The following WEE1 variants were observed in gnomAD, a reference collection of about 807,000 sequenced individuals.
WEE1 encodes the protein WEE1 G2 checkpoint kinase.
Under a neutral mutation model 68.8 loss-of-function variants are expected in WEE1, and 16 were observed. The ratio of observed to expected loss-of-function variants is 0.23; its 90% confidence interval spans 0.16 to 0.35. WEE1 has a LOEUF of 0.35. Ranked by LOEUF, WEE1 falls within the 10% of genes least tolerant of loss-of-function variation. WEE1 has a pLI of 1.00. For missense variants in WEE1, 651 were observed against 824.1 expected (o/e 0.79, Z 2.57); for synonymous variants, 349 against 318.7 (o/e 1.09, Z -1.01).
Position 9,576,439 on chromosome 11 carries a change from T to C in WEE1, c.847-48T>C. On this transcript the variant is annotated intron_variant, in intron 3 of 10. Coordinates refer to ENST00000450114, the MANE Select transcript of WEE1 (RefSeq NM_003390.4). The surrounding 1 kb of genome is among the most constrained non-coding windows in gnomAD (Gnocchi z 4.3). ...CCCTATCACCATAGCAAGAAATAAC[T>C]GTTTTCGTATATTTGTATTACATAT... 1 of 1,585,976 alleles carries C rather than the reference T, an allele frequency of 6.3e-7. No homozygotes were observed. Among genetic ancestry groups the C allele is most frequent in the Non-Finnish European group, 8.6e-7 (1 of 1,166,202 alleles).
Position 9,588,769 on chromosome 11 carries a change from T to C in WEE1, c.*167T>C, listed in dbSNP as rs996482827. ...GAAAGCTGTATTTTGATGATTGCTA[T>C]GTCAGGCTTTCATCTAATCTTACCA... On this transcript the variant is annotated 3_prime_UTR_variant, in exon 11 of 11. Coordinates refer to ENST00000450114, the MANE Select transcript of WEE1 (RefSeq NM_003390.4). 2 of 1,269,048 alleles carry C rather than the reference T, an allele frequency of 1.6e-6. No homozygotes were observed. Among genetic ancestry groups the C allele is most frequent in the South Asian group, 2.3e-5 (1 of 44,090 alleles). The allele number at this position is 1,269,048 out of a possible 1,614,324, so 78.6% of individuals were successfully genotyped here.
In WEE1 at chr11:9,576,375, A is replaced by T. The variant is rs139236814; in HGVS notation, c.846+82A>T. 1.3e-4 allele frequency: 204 copies of T among 1,544,840 alleles called. No individual in the cohort carries two copies. The African/African-American group carries it at 2.2e-3, about 16-fold the overall frequency. ...TGCTATGAATATGTTAATAAGCATTAACACATAAGGTAGAATGGTTTTTAA... is the reference window on the plus strand; with the variant it reads ...TGCTATGAATATGTTAATAAGCATTTACACATAAGGTAGAATGGTTTTTAA... On this transcript the variant is annotated intron_variant, in intron 3 of 10. Coordinates refer to ENST00000450114, the MANE Select transcript of WEE1 (RefSeq NM_003390.4). The surrounding 1 kb of genome is among the most constrained non-coding windows in gnomAD (Gnocchi z 4.3).
At position 9,574,385 on chromosome 11, in the gene WEE1, C is replaced by G; in HGVS notation, c.452C>G (p.Pro151Arg). 2 of 1,216,708 alleles carry G rather than the reference C, an allele frequency of 1.6e-6. No homozygotes were observed. Among genetic ancestry groups the G allele is most frequent in the Non-Finnish European group, 2.0e-6 (2 of 981,606 alleles). 75.4% of individuals were successfully genotyped at this position (1,216,708 alleles called of 1,614,324 possible). Residue 151 changes from proline to arginine, a missense_variant, in exon 1 of 11, where the codon CCG becomes CGG. Around this residue, in one of 5 missense-constraint regions of WEE1, gnomAD observed 395 missense variants for 378.4 expected, o/e 1.04. Transcript: ENST00000450114. This position sits in a 1 kb window ranked among gnomAD's most constrained non-coding sequence, Gnocchi z 4.9. ...VRCGGPGDAS[P>R]RGCGARRAGE... is the part of the protein sequence containing the mutation. ...TGCGGCGGCCCAGGAGATGCGTCGC[C>G]GCGGGGTTGCGGGGCGCGCCGGGCG...
In WEE1 at chr11:9,586,778, T is replaced by C. The variant is rs2134357810; in HGVS notation, c.1709T>C (p.Leu570Pro). 2.5e-6 allele frequency: 4 copies of C among 1,614,150 alleles called. No individual in the cohort carries two copies. The highest frequency in any genetic ancestry group is 1.1e-5 in the South Asian group (1 of 91,066). Residue 570 changes from leucine (L) to proline (P), a missense_variant, in exon 10 of 11, where the codon CTG becomes CCG. Coordinates refer to ENST00000450114, the MANE Select transcript of WEE1 (RefSeq NM_003390.4). Reference protein sequence around the residue: ...AMALVKHSVLLSASRKSAEQL... With the variant: ...AMALVKHSVLPSASRKSAEQL... ...GCACTGGTAAAGCATTCAGTATTGC[T>C]GTCCGCTTCTAGAAAGAGTGCAGAA...
chr11:9,580,896 A>G (rs1449708971), intron 5 of WEE1: 1 of 152,292 alleles, frequency 6.6e-6, no homozygotes, highest in African/African-American at 2.4e-5. Context: ...AAAAGAATAC[A>G]TAGACCTGAG....
chr11:9,573,970 C>G lies in WEE1; in HGVS notation c.37C>G (p.Arg13Gly). 10 of 1,295,354 alleles carry G rather than the reference C, an allele frequency of 7.7e-6. No individual in the cohort carries two copies. The highest frequency in any genetic ancestry group is 7.8e-6 in the Non-Finnish European group (8 of 1,021,280). The allele number at this position is 1,295,354 out of a possible 1,614,324, so 80.2% of individuals were successfully genotyped here. Reference protein sequence around the residue: ...FLSRQQPPPPRRAGAACTLRQ... With the variant: ...FLSRQQPPPPGRAGAACTLRQ... ...GAGCCGACAGCAGCCGCCGCCACCC[C>G]GCCGCGCCGGGGCGGCCTGCACCTT... is the stretch of plus-strand genomic sequence containing the variant. Residue 13 changes from arginine to glycine, a missense_variant, in exon 1 of 11, where the codon CGC becomes GGC. Physicochemically the swap from Arg to Gly is moderately radical, Grantham distance 125 (BLOSUM62 -2). Transcript: ENST00000450114.
intron 5 of WEE1, chr11:9,580,823 G>A (rs951500400): frequency 6.6e-6 from 1 of 152,162 alleles, no homozygotes; most frequent in Non-Finnish European, 1.5e-5. Flanking sequence ...GGTTGTCTTT[G>A]TATATTGGTA....
In WEE1 at chr11:9,574,452, C is replaced by G; in HGVS notation, c.519C>G (p.Thr173=). 1 of 1,240,922 alleles carries G rather than the reference C, an allele frequency of 8.1e-7. No homozygotes were observed. Among genetic ancestry groups the G allele is most frequent in the Non-Finnish European group, 1.0e-6 (1 of 995,002 alleles). The allele number at this position is 1,240,922 out of a possible 1,614,324, so 76.9% of individuals were successfully genotyped here. A position where few individuals can be genotyped will look rare whatever the true frequency, so the allele number is the denominator to read the frequency against. ...RRSPRPDHPG[T]PPHKTFRKLR... ...CGCCGCGGCCGGACCACCCGGGCAC[C>G]CCGCCACACAAGACCTTCCGCAAGC... The change falls in exon 1 of 11, where the codon ACC becomes ACG. Residue 173 remains threonine (T), a synonymous_variant. Transcript: ENST00000450114. This position sits in a 1 kb window ranked among gnomAD's most constrained non-coding sequence, Gnocchi z 4.9.
chr11:9,573,862 C>T lies in WEE1; in HGVS notation c.-72C>T. On this transcript the variant is annotated 5_prime_UTR_variant, in exon 1 of 11. Coordinates refer to ENST00000450114, the MANE Select transcript of WEE1 (RefSeq NM_003390.4). ...GCCCAGCCGCACGTGGCGGACCCGC[C>T]CCCAGGCCCGCAGTGTCCTGGACCC... is the stretch of plus-strand genomic sequence containing the variant. 1 of 1,167,886 alleles carries T rather than the reference C, an allele frequency of 8.6e-7. No homozygotes were observed. Among genetic ancestry groups the T allele is most frequent in the Non-Finnish European group, 1.1e-6 (1 of 939,008 alleles). The allele number at this position is 1,167,886 out of a possible 1,614,324, so 72.3% of individuals were successfully genotyped here.
In WEE1 at chr11:9,576,998, TA is replaced by T; in HGVS notation, c.1020-141del. Reference sequence around the variant, plus strand: ...CCTTTGGAAAAATCTCTTACAAGTCTAAACCCCTTCTCTCTTAAGCAAGTTG... The same window carrying T: ...CCTTTGGAAAAATCTCTTACAAGTCTAACCCCTTCTCTCTTAAGCAAGTTG... On this transcript the variant is annotated intron_variant, in intron 4 of 10. Transcript: ENST00000450114. The surrounding 1 kb of genome is among the most constrained non-coding windows in gnomAD (Gnocchi z 4.3). 1.2e-6 allele frequency: 1 copy of T among 861,104 alleles called. No homozygotes were observed. The highest frequency in any genetic ancestry group is 1.7e-6 in the Non-Finnish European group (1 of 585,876). The allele number at this position is 861,104 out of a possible 1,614,324, so 53.3% of individuals were successfully genotyped here.
intron 6 of WEE1, among the ~76,000 whole-genome samples, chr11:9,584,789 C>T (rs1427321713): frequency 6.6e-6 from 1 of 152,048 alleles, no homozygotes; most frequent in Non-Finnish European, 1.5e-5. Context: ...AAAATATATT[C>T]CCAGAGGCCC....
In WEE1 at chr11:9,586,611, T is replaced by A; in HGVS notation, c.1633T>A (p.Leu545Met). The A allele has an allele frequency of 6.2e-7, 1 of 1,614,040 alleles. No homozygotes were observed. Among genetic ancestry groups the A allele is most frequent in the Non-Finnish European group, 8.5e-7 (1 of 1,179,988 alleles). ...PQVLSQEFTELLKVMIHPDPE... is the reference protein window; with the variant it reads ...PQVLSQEFTEMLKVMIHPDPE... ...AGTGCTTTCCCAAGAATTTACAGAG[T>A]TGCTAAAAGTGAGCATTTTATATAT... Residue 545 changes from leucine to methionine, a missense_variant, in exon 9 of 11, where the codon TTG becomes ATG. Physicochemically the swap from Leu to Met is conservative, Grantham distance 15 (BLOSUM62 2). Transcript: ENST00000450114.
chr11:9,574,981 C>A lies in WEE1; in HGVS notation c.576+472C>A. ...TTGTCCCGCCCTGATCGTGTCGTGT[C>A]GTGTGGCGTGGATGGGGGAAAGGTC... On this transcript the variant is annotated intron_variant, in intron 1 of 10. Transcript: ENST00000450114. This position sits in a 1 kb window ranked among gnomAD's most constrained non-coding sequence, Gnocchi z 4.9. 1.0e-6 allele frequency: 1 copy of A among 985,706 alleles called. No homozygotes were observed. 61.1% of individuals were successfully genotyped at this position (985,706 alleles called of 1,614,324 possible). A position where few individuals can be genotyped will look rare whatever the true frequency, so the allele number is the denominator to read the frequency against.
rs550636699 is a variant in WEE1, at chr11:9,589,919, A to AT, written c.*1318dup. The AT allele has an allele frequency of 5.5e-4, 86 of 157,650 alleles. 1 individual carries two copies. The highest frequency in any genetic ancestry group is 2.0e-3 in the African/African-American group (82 of 41,690). 9.8% of individuals were successfully genotyped at this position (157,650 alleles called of 1,614,324 possible). On this transcript the variant is annotated 3_prime_UTR_variant, in exon 11 of 11. Coordinates refer to ENST00000450114, the MANE Select transcript of WEE1 (RefSeq NM_003390.4). ...ATGTTATGCATGTGACTTGCTAGAA[A>AT]TGTAGCATGATGTAATTTAAAATAT... is the stretch of plus-strand genomic sequence containing the variant.
At chr11:9,578,486 A>G (rs2134343632) in intron 5 of WEE1, 1 of 152,412 alleles carries the variant, frequency 6.6e-6, no homozygotes, top group South Asian at 2.1e-4. Flanking sequence ...TTCTATTCAT[A>G]CCATCAAAAT....
At chr11:9,580,259 T>TGTAA (rs397956422) in intron 5 of WEE1, 1 of 148,040 alleles carries the variant, frequency 6.8e-6, no homozygotes, top group Admixed American at 6.8e-5. Context: ...TGTGTGTGTG[T>TGTAA]AAAACACACC....
At chr11:9,581,454 T>C in intron 5 of WEE1, 78 bp from the exon 6 acceptor site, 1 of 1,394,004 alleles carries the variant, frequency 7.2e-7, no homozygotes, top group Non-Finnish European at 9.7e-7. Context: ...ATTGGTTGGT[T>C]GAGACTCATT....
chr11:9,577,291 G>A (rs1849574543), intron 5 of WEE1, 28 bp downstream of exon 5: 1 of 1,599,360 alleles, frequency 6.3e-7, no homozygotes, highest in African/African-American at 1.3e-5. Flanking sequence ...TTTCTTGTGA[G>A]CTTGAGAAAA....
At chr11:9,585,058 G>T (rs957525461) in intron 6 of WEE1, 200 bp from the exon 7 acceptor site, 18 of 555,192 alleles carry the variant, frequency 3.2e-5, no homozygotes, top group Non-Finnish European at 5.1e-5. Context: ...AGAGCACACT[G>T]TCTCAAAAAA....
Sources: allele counts gnomAD v4.1 joint callset (sites outside exome capture counted in the v4.1 genomes callset), GRCh38; gene constraint gnomAD v4.1.1; regional missense constraint gnomAD v4.1.1; non-coding constraint Gnocchi (gnomAD v3.1); transcripts MANE v1.5; gene names NCBI Gene and HGNC (gene_info 2026-07-23, HGNC 2026-07-21).